Variants in HUS1 observed in about 807,000 individuals in gnomAD.
The protein encoded by HUS1 is HUS1 checkpoint clamp component.
A neutral mutation model predicts 32.6 loss-of-function variants in HUS1; 31 were observed. The observed-to-expected ratio is 0.95, with a 90% CI of 0.72 to 1.28. HUS1 has a LOEUF of 1.28. HUS1 is among the 50% of genes most tolerant of loss of function. The probability of loss-of-function intolerance (pLI) is 0.00; values close to 1 mark genes in which losing one functional copy is unlikely to be tolerated. For synonymous variants in HUS1, 123 were observed against 116.6 expected (o/e 1.06, Z -0.36); for missense variants, 340 against 337.7 (o/e 1.01, Z -0.05).
In HUS1 at chr7:47,978,700, C is replaced by G; in HGVS notation, c.169G>C (p.Glu57Gln). 6.2e-7 allele frequency: 1 copy of G among 1,614,150 alleles called. No homozygotes were observed. The highest frequency in any genetic ancestry group is 8.5e-7 in the Non-Finnish European group (1 of 1,180,010). The stretch of plus-strand genomic sequence containing the variant: ...AAGCTTTTGCTCACCTGTTCCAGCT[C>G]ACACCACATGCTCACTCCTCCATTA... ...LANGGVSMWCELEQENFFNEF... is the reference protein window; with the variant it reads ...LANGGVSMWCQLEQENFFNEF... The change falls in exon 2 of 8, where the codon GAG becomes CAG. Residue 57 changes from glutamate (E) to glutamine (Q), a missense_variant. Transcript: ENST00000258774.
At chr7:47,968,007 A>G in intron 6 of HUS1, 82 bp from the exon 7 acceptor site, 1 of 1,437,816 alleles carries the variant, frequency 7.0e-7, no homozygotes, top group Non-Finnish European at 9.5e-7. Context: ...TTTTACTTAA[A>G]TAAATGATTC....
chr7:47,967,802 T>C lies in HUS1; in HGVS notation c.760+4A>G. On this transcript the variant is annotated splice_donor_region_variant and intron_variant, in intron 7 of 7. Coordinates refer to ENST00000258774, the MANE Select transcript of HUS1 (RefSeq NM_004507.4). ...TGAAAAACAAAACAGAGAAGCACAC[T>C]CACTGCATAAGGCCTTTGTGGGATT... The C allele has an allele frequency of 6.2e-7, 1 of 1,609,540 alleles. No homozygotes were observed. Among genetic ancestry groups the C allele is most frequent in the Non-Finnish European group, 8.5e-7 (1 of 1,177,940 alleles).
At chr7:47,966,452 G>A (rs541114665) in intron 7 of HUS1, among the ~76,000 whole-genome samples, 13 of 152,158 alleles carry the variant, frequency 8.5e-5, no homozygotes, top group African/African-American at 2.9e-4. Flanking sequence ...CAACAGCCTT[G>A]GATTCAGAAA....
At chr7:47,978,350 A>G (rs1788750613) in intron 3 of HUS1, 67 bp downstream of exon 3, 2 of 1,349,664 alleles carry the variant, frequency 1.5e-6, no homozygotes, top group Non-Finnish European at 2.1e-6. Context: ...TAAAAAGGCT[A>G]GGCTAACTAT....
chr7:47,969,428 A>T (rs1788549792), intron 5 of HUS1, 110 bp from the exon 6 acceptor site: 1 of 658,800 alleles, frequency 1.5e-6, no homozygotes. Context: ...ACAAAACCTC[A>T]AAACACCTCA....
At chr7:47,970,353 G>A (rs1260578643) in intron 5 of HUS1, among the ~76,000 whole-genome samples, 1 of 151,462 alleles carries the variant, frequency 6.6e-6, no homozygotes, top group Non-Finnish European at 1.5e-5. Context: ...ATAAAACACA[G>A]CTGACAGCAC....
rs767529178 is a variant in HUS1 at position 47,975,571 on chromosome 7, C to A, written c.540+42G>T. 3.7e-6 allele frequency: 5 copies of A among 1,360,234 alleles called. No individual in the cohort carries two copies. In the Admixed American group the frequency reaches 5.1e-5, roughly 14 times the overall value. 84.3% of individuals were successfully genotyped at this position (1,360,234 alleles called of 1,614,324 possible). On this transcript the variant is annotated intron_variant, in intron 5 of 7. Transcript: ENST00000258774. ...GAGCTGGAGAACCCACGCCGTCCCACCAAATACTTCAGAGTTCTTTTCTAA... is the reference window on the plus strand; with the variant it reads ...GAGCTGGAGAACCCACGCCGTCCCAACAAATACTTCAGAGTTCTTTTCTAA...
Position 47,978,489 on chromosome 7 carries a change from G to C in HUS1, c.285C>G (p.Ala95=). 6.2e-7 allele frequency: 1 copy of C among 1,614,190 alleles called. No individual in the cohort carries two copies. The highest frequency in any genetic ancestry group is 8.5e-7 in the Non-Finnish European group (1 of 1,180,030). ...SENLSRALKT[A]QNARALKIKL... is the part of the protein sequence containing the mutation. ...TGATTTTCAAAGCCCTGGCATTCTG[G>C]GCAGTCTTCAAGGCTCGAGATAAGT... The change falls in exon 3 of 8, where the codon GCC becomes GCG. Residue 95 remains alanine (A), a synonymous_variant. Coordinates refer to ENST00000258774, the MANE Select transcript of HUS1 (RefSeq NM_004507.4).
chr7:47,971,440 G>C, intron 5 of HUS1: 1 of 456,588 alleles, frequency 2.2e-6, no homozygotes, highest in Non-Finnish European at 4.4e-6. Flanking sequence ...TGTCTCCACA[G>C]GTCACAAGGG....
intron 6 of HUS1, 185 bp downstream of exon 6, chr7:47,969,033 CT>C (rs1024092470): frequency 5.6e-6 from 3 of 532,704 alleles, no homozygotes; most frequent in African/African-American, 2.0e-5. Context: ...GCTTCTCCCC[CT>C]GGTGGCTAAC....
At chr7:47,978,107 T>C (rs1445741673) in intron 3 of HUS1, among the ~76,000 whole-genome samples, 2 of 100,140 alleles carry the variant, frequency 2.0e-5, no homozygotes, top group East Asian at 3.6e-4. Flanking sequence ...AGAAAACATG[T>C]CAAAGGTGAA....
At chr7:47,977,120 T>G (rs2708861) in intron 3 of HUS1, among the ~76,000 whole-genome samples, 69,851 of 151,850 alleles carry the variant, frequency 0.46, 16,811 homozygotes, top group East Asian at 0.54. Flanking sequence ...TGAAACTGTA[T>G]GAAATGCTCA....
chr7:47,978,146 C>A (rs1788746387), intron 3 of HUS1: 2 of 344,976 alleles, frequency 5.8e-6, no homozygotes, highest in African/African-American at 2.1e-5. Context: ...GATTTCTAGA[C>A]AAGGTGACAA....
At chr7:47,970,575 A>C (rs1788578460) in intron 5 of HUS1, among the ~76,000 whole-genome samples, 1 of 152,178 alleles carries the variant, frequency 6.6e-6, no homozygotes, top group African/African-American at 2.4e-5. Flanking sequence ...TGAGTCCCAG[A>C]AGAAAAACAA....
chr7:47,976,875 T>C (rs753396668), intron 3 of HUS1, 38 bp from the exon 4 acceptor site: 3 of 1,394,676 alleles, frequency 2.2e-6, no homozygotes, highest in Admixed American at 3.4e-5. Flanking sequence ...TTTATGTTGT[T>C]AATATTAAGC....
In HUS1 at chr7:47,979,263, T is replaced by A. The variant is rs2128766997; in HGVS notation, c.52+205A>T. ...CAGAAACGTCCCTTGAAAGCCGCCT[T>A]CATCCCCACAAGTGCCCTCCGACCC... On this transcript the variant is annotated intron_variant, in intron 1 of 7. Transcript: ENST00000258774. 5 of 601,208 alleles carry A rather than the reference T, an allele frequency of 8.3e-6. No homozygotes were observed. In the East Asian group the frequency reaches 1.4e-4, roughly 17 times the overall value. The allele number at this position is 601,208 out of a possible 1,614,324, so 37.2% of individuals were successfully genotyped here. A position where few individuals can be genotyped will look rare whatever the true frequency, so the allele number is the denominator to read the frequency against.
chr7:47,972,244 A>G (rs941640546), intron 5 of HUS1, among the ~76,000 whole-genome samples: 5 of 152,306 alleles, frequency 3.3e-5, no homozygotes, highest in African/African-American at 1.2e-4. Flanking sequence ...CATTGTTTTG[A>G]AAAGCAATGG....
Position 47,969,289 on chromosome 7 carries a change from C to A in HUS1, c.570G>T (p.Leu190Phe). The change falls in exon 6 of 8, where the codon TTG (leucine) becomes TTT (phenylalanine). Residue 190 changes from leucine (L) to phenylalanine (F), a missense_variant. Physicochemically the swap from Leu to Phe is conservative, Grantham distance 22 (BLOSUM62 0). Transcript: ENST00000258774. Reference sequence around the variant, plus strand: ...CTAATTCAGTTTCTATTTTCAAATTCAATTCTCCATCTAGGTTTGCTTCAA... The same window carrying A: ...CTAATTCAGTTTCTATTTTCAAATTAAATTCTCCATCTAGGTTTGCTTCAA... Reference protein sequence around the residue: ...LVIEANLDGELNLKIETELVC... With the variant: ...LVIEANLDGEFNLKIETELVC... 1.3e-6 allele frequency: 2 copies of A among 1,590,480 alleles called. No homozygotes were observed. The highest frequency in any genetic ancestry group is 1.1e-5 in the South Asian group (1 of 89,550).
In HUS1 at chr7:47,963,414, C is replaced by T. The variant is rs2128763657; in HGVS notation, c.*1942G>A. ...TCACATAGAGCAAATGGTTAAGTCA[C>T]TAACACATTCTCTTTAACAGCAATT... is the stretch of plus-strand genomic sequence containing the variant. On this transcript the variant is annotated 3_prime_UTR_variant, in exon 8 of 8. Coordinates refer to ENST00000258774, the MANE Select transcript of HUS1 (RefSeq NM_004507.4). The T allele has an allele frequency of 6.6e-6, 1 of 152,328 alleles. No individual in the cohort carries two copies. Among genetic ancestry groups the T allele is most frequent in the South Asian group, 2.1e-4 (1 of 4,830 alleles). The allele number at this position is 152,328 out of a possible 1,614,324, so 9.4% of individuals were successfully genotyped here.
Sources: allele counts gnomAD v4.1 joint callset (sites outside exome capture counted in the v4.1 genomes callset), GRCh38; gene constraint gnomAD v4.1.1; transcripts MANE v1.5; gene names NCBI Gene and HGNC (gene_info 2026-07-23, HGNC 2026-07-21).